Variants in IMPG1 observed in about 807,000 individuals in gnomAD.
The protein encoded by IMPG1 is interphotoreceptor matrix proteoglycan 1, also known as interphotoreceptor matrix proteoglycan of 150 kDa.
In IMPG1, 85 loss-of-function variants were observed where a neutral mutation model predicts 92.0. The observed-to-expected ratio is 0.92, with a 90% CI of 0.78 to 1.11. IMPG1 has a LOEUF of 1.11. Among genes scored for constraint, IMPG1 ranks in the 50% least tolerant of loss-of-function variants. The pLI is 0.00. For synonymous variants in IMPG1, 367 were observed against 334.1 expected (o/e 1.10, Z -1.08); for missense variants, 1,022 against 956.0 (o/e 1.07, Z -0.91).
intron 12 of IMPG1, among the ~76,000 whole-genome samples, chr6:75,993,785 T>G (rs1374893094): frequency 6.6e-6 from 1 of 152,218 alleles, no homozygotes; most frequent in Non-Finnish European, 1.5e-5. Flanking sequence ...TGGCTTAATT[T>G]TGAAAAGCAT....
Position 76,005,343 on chromosome 6 carries a change from C to T in IMPG1, c.1079G>A (p.Ser360Asn). 2 of 1,614,006 alleles carry T rather than the reference C, an allele frequency of 1.2e-6. No individual in the cohort carries two copies. The highest frequency in any genetic ancestry group is 1.6e-4 in the Middle Eastern group (1 of 6,062). ...LTATDLKRLI[S>N]KALEEEQSLD... ...AGATTGTTCTTCCTCTAGTGCTTTG[C>T]TGATCAGCCTTTTGAGGTCTGTAGC... is the stretch of plus-strand genomic sequence containing the variant. Residue 360 changes from serine to asparagine, a missense_variant, in exon 10 of 17, where the codon AGC becomes AAC. Ser to Asn is a conservative substitution (Grantham distance 46, BLOSUM62 1). This residue lies in a region of IMPG1 where 681 missense variants were observed against 583.6 expected (regional missense o/e 1.17). Coordinates refer to ENST00000369950, the MANE Select transcript of IMPG1 (RefSeq NM_001563.4).
intron 13 of IMPG1, 112 bp downstream of exon 13, chr6:75,950,450 C>T (rs1285766863): frequency 1.7e-5 from 16 of 926,506 alleles, no homozygotes; most frequent in South Asian, 5.7e-5. Context: ...GCTGGCTTGG[C>T]GGTTTGTTTC....
At chr6:76,060,759 A>G (rs920595268) in intron 1 of IMPG1, among the ~76,000 whole-genome samples, 3 of 152,160 alleles carry the variant, frequency 2.0e-5, no homozygotes, top group African/African-American at 4.8e-5. Context: ...CCACGACTGC[A>G]GAGGTCTTTT....
intron 1 of IMPG1, among the ~76,000 whole-genome samples, chr6:76,069,277 G>C (rs1003585154): frequency 5.3e-4 from 81 of 152,026 alleles, no homozygotes; most frequent in African/African-American, 1.9e-3. Context: ...CATTATAAAT[G>C]GAAACCTAGG....
intron 12 of IMPG1, among the ~76,000 whole-genome samples, chr6:75,982,611 A>G (rs548648997): frequency 6.6e-5 from 10 of 150,646 alleles, no homozygotes; most frequent in Admixed American, 4.6e-4. Flanking sequence ...GTGTATATAT[A>G]TATGTGTGTG....
intron 1 of IMPG1, among the ~76,000 whole-genome samples, chr6:76,049,466 C>T: frequency 6.6e-6 from 1 of 152,066 alleles, no homozygotes; most frequent in South Asian, 2.1e-4. Context: ...CCTTTATTCT[C>T]TCTCTCTCTG....
Position 76,060,908 on chromosome 6 carries a change from AG to A in IMPG1, c.67+11513del, listed in dbSNP as rs1478011133. ...ATTCTCAATTAAAATATAAGCCTAG[AG>A]ACTACTGTGAAAAATAAACTTTCTT... On this transcript the variant is annotated intron_variant, in intron 1 of 16. Coordinates refer to ENST00000369950, the MANE Select transcript of IMPG1 (RefSeq NM_001563.4). Among the ~76,000 whole-genome samples the A allele has an allele frequency of 2.0e-5, 3 of 152,298 alleles. No homozygotes were observed. In the East Asian group the frequency reaches 5.8e-4, roughly 29 times the overall value.
intron 3 of IMPG1, 55 bp downstream of exon 3, chr6:76,034,566 A>G (rs1783702951): frequency 1.3e-6 from 2 of 1,577,824 alleles, no homozygotes; most frequent in East Asian, 2.2e-5. Context: ...TAGGGGCTGG[A>G]GCCTGGGAAC....
chr6:75,973,428 T>C lies in IMPG1; in HGVS notation c.1292-22334A>G, dbSNP rs111362621. 1.0e-3 allele frequency among the ~76,000 whole-genome samples: 156 copies of C among 152,358 alleles called. 2 individuals are homozygous for C. The highest frequency in any genetic ancestry group is 3.1e-3 in the African/African-American group (128 of 41,578). On this transcript the variant is annotated intron_variant, in intron 12 of 16. Coordinates refer to ENST00000369950, the MANE Select transcript of IMPG1 (RefSeq NM_001563.4). ...CATTCATTCATTCATTTAACAAATA[T>C]TTATTGCCTGTTGACTTTGTGTCAG...
intron 8 of IMPG1, among the ~76,000 whole-genome samples, chr6:76,010,721 G>A (rs1424610305): frequency 6.6e-6 from 1 of 152,024 alleles, no homozygotes; most frequent in East Asian, 1.9e-4. Context: ...ACTTTTTATT[G>A]TTCACTTGTC....
chr6:76,046,295 T>C (rs1173432805), intron 1 of IMPG1, among the ~76,000 whole-genome samples: 2 of 148,400 alleles, frequency 1.3e-5, no homozygotes, highest in Admixed American at 6.6e-5. Context: ...TTAAATAAAT[T>C]ATGAATTAAG....
chr6:76,029,264 C>G (rs1312097392), intron 4 of IMPG1, among the ~76,000 whole-genome samples: 1 of 152,226 alleles, frequency 6.6e-6, no homozygotes, highest in African/African-American at 2.4e-5. Flanking sequence ...AAACCCAGAG[C>G]TGGGATCAGC....
At chr6:76,064,615 A>T (rs1370929881) in intron 1 of IMPG1, among the ~76,000 whole-genome samples, 2 of 152,088 alleles carry the variant, frequency 1.3e-5, no homozygotes, top group African/African-American at 4.8e-5. Context: ...CCATTGGGGT[A>T]TCCAAGGGTG....
chr6:75,980,510 G>A (rs1782609276), intron 12 of IMPG1, among the ~76,000 whole-genome samples: 1 of 152,194 alleles, frequency 6.6e-6, no homozygotes, highest in Non-Finnish European at 1.5e-5. Context: ...ATCTGGGTGG[G>A]CACCATCCAA....
At chr6:76,056,683 T>C (rs78371415) in intron 1 of IMPG1, among the ~76,000 whole-genome samples, 3,940 of 152,270 alleles carry the variant, frequency 0.026, 144 homozygotes, top group African/African-American at 0.087. Flanking sequence ...TCCACAACCT[T>C]GCCAACACTT....
rs1375332229 is a variant in IMPG1, at chr6:76,042,144, A to C, written c.68-18T>G. ...GGAGATATCTGTAAAAGAAAGATTGATATCCTGGTGAATATATACATTTAT... is the reference window on the plus strand; with the variant it reads ...GGAGATATCTGTAAAAGAAAGATTGCTATCCTGGTGAATATATACATTTAT... On this transcript the variant is annotated intron_variant, in intron 1 of 16. Transcript: ENST00000369950. The C allele has an allele frequency of 1.6e-6, 2 of 1,231,352 alleles. No homozygotes were observed. The highest frequency in any genetic ancestry group is 2.4e-6 in the Non-Finnish European group (2 of 832,110). 76.3% of individuals were successfully genotyped at this position (1,231,352 alleles called of 1,614,324 possible).
chr6:75,935,407 G>A (rs1021278978), intron 14 of IMPG1, among the ~76,000 whole-genome samples: 4 of 152,236 alleles, frequency 2.6e-5, no homozygotes, highest in Non-Finnish European at 4.4e-5. Flanking sequence ...GCGCTGCCAC[G>A]CCCTGGCGCC....
chr6:76,000,447 A>T (rs768806460), intron 12 of IMPG1, among the ~76,000 whole-genome samples: 11 of 152,186 alleles, frequency 7.2e-5, no homozygotes, highest in Non-Finnish European at 1.5e-4. Flanking sequence ...CATTCTTTAA[A>T]ACAAAATCTT....
chr6:76,047,061 A>G (rs749049062), intron 1 of IMPG1, among the ~76,000 whole-genome samples: 7 of 152,234 alleles, frequency 4.6e-5, no homozygotes, highest in Non-Finnish European at 8.8e-5. Context: ...TTAATATGTC[A>G]TGGGTTAGAT....
Sources: gnomAD v4.1 joint callset for allele counts (sites outside exome capture counted in the v4.1 genomes callset) on GRCh38, gnomAD v4.1.1 for gene constraint, gnomAD v4.1.1 regional missense constraint, MANE v1.5 for transcripts, NCBI Gene and HGNC (gene_info 2026-07-23, HGNC 2026-07-21) for gene names.